The following ATP8A2 variants were observed in gnomAD, a reference collection of about 807,000 sequenced individuals.
The protein encoded by ATP8A2 is ATPase phospholipid transporting 8A2.
ATP8A2 carries 100 observed loss-of-function variants against 165.6 expected under a neutral mutation model. That is an observed-to-expected ratio of 0.60 (90% confidence interval 0.51 to 0.71). ATP8A2 has a LOEUF of 0.71. Among genes scored for constraint, ATP8A2 ranks in the 30% least tolerant of loss-of-function variants. ATP8A2 has a pLI of 0.00. For synonymous variants in ATP8A2, 543 were observed against 548.8 expected (o/e 0.99, Z 0.15); for missense variants, 1,227 against 1,479.5 (o/e 0.83, Z 2.80).
intron 1 of ATP8A2, among the ~76,000 whole-genome samples, chr13:25,434,360 G>GT (rs552283501): frequency 6.0e-4 from 89 of 147,544 alleles, no homozygotes; most frequent in African/African-American, 2.1e-3. Flanking sequence ...CTTTTTTTTT[G>GT]TTTTTTGAGA....
At chr13:25,387,426 A>G (rs987340314) in intron 1 of ATP8A2, among the ~76,000 whole-genome samples, 3 of 151,342 alleles carry the variant, frequency 2.0e-5, no homozygotes, top group East Asian at 3.9e-4. Flanking sequence ...CATTCTAACT[A>G]TTTCGGGTGT....
intron 24 of ATP8A2, among the ~76,000 whole-genome samples, chr13:25,671,592 C>T (rs1041557830): frequency 6.6e-6 from 1 of 152,116 alleles, no homozygotes; most frequent in Non-Finnish European, 1.5e-5. Flanking sequence ...GTCGAGACTG[C>T]AGAGGTGAGA....
chr13:25,729,152 C>G (rs1423835436), intron 25 of ATP8A2, among the ~76,000 whole-genome samples: 2 of 152,034 alleles, frequency 1.3e-5, no homozygotes, highest in African/African-American at 4.8e-5. Flanking sequence ...TACTGAATTG[C>G]CTTTACATGG....
intron 24 of ATP8A2, among the ~76,000 whole-genome samples, chr13:25,610,948 G>T (rs1265101488): frequency 7.2e-6 from 1 of 139,440 alleles, no homozygotes. Context: ...TCTCACCTTA[G>T]TCGCTGTTGG....
chr13:25,450,608 T>C (rs940544017), intron 1 of ATP8A2, among the ~76,000 whole-genome samples: 5 of 152,034 alleles, frequency 3.3e-5, no homozygotes, highest in Non-Finnish European at 7.4e-5. Flanking sequence ...CTCGGCTCAC[T>C]GCAAGCTCCG....
At chr13:25,476,440 C>A (rs2035998761) in intron 2 of ATP8A2, among the ~76,000 whole-genome samples, 1 of 152,094 alleles carries the variant, frequency 6.6e-6, no homozygotes, top group South Asian at 2.1e-4. Context: ...AGGCACCCGC[C>A]ACCACGGCCA....
At chr13:25,554,861 A>G in intron 12 of ATP8A2, 130 bp from the exon 13 acceptor site, 1 of 585,348 alleles carries the variant, frequency 1.7e-6, no homozygotes, top group East Asian at 3.2e-5. Context: ...CGCCCAGCCA[A>G]AATCAGCATT....
chr13:25,850,078 C>A (rs1951967654), intron 30 of ATP8A2, among the ~76,000 whole-genome samples: 2 of 152,218 alleles, frequency 1.3e-5, no homozygotes, highest in South Asian at 4.1e-4. Flanking sequence ...CCTGTCTCAT[C>A]TCAGCCCTCA....
chr13:25,953,311 C>T lies in ATP8A2; in HGVS notation c.3184-8264C>T, dbSNP rs1399912433. Among the ~76,000 whole-genome samples, 1 of 151,776 alleles carries T rather than the reference C, an allele frequency of 6.6e-6. No homozygotes were observed. The highest frequency in any genetic ancestry group is 1.5e-5 in the Non-Finnish European group (1 of 67,972). On this transcript the variant is annotated intron_variant, in intron 33 of 36. Transcript: ENST00000381655. This position sits in a 1 kb window ranked among gnomAD's most constrained non-coding sequence, Gnocchi z 6.7. ...GCAGGTGCTGTGGGGAAGGGGCAGA[C>T]TTAAATTTTCTTCTGTAAAATGGGG...
At chr13:25,560,787 C>A (rs752956014) in intron 15 of ATP8A2, among the ~76,000 whole-genome samples, 4 of 151,600 alleles carry the variant, frequency 2.6e-5, no homozygotes, top group Non-Finnish European at 5.9e-5. Flanking sequence ...AGTTTATCTC[C>A]TACTCTTGCT....
intron 23 of ATP8A2, among the ~76,000 whole-genome samples, chr13:25,587,222 A>G (rs2138277097): frequency 1.3e-5 from 2 of 152,368 alleles, no homozygotes; most frequent in Middle Eastern, 6.8e-3. Flanking sequence ...TTGCTACATT[A>G]GTTAAGCCAC....
chr13:25,954,670 C>T (rs1419817107), intron 33 of ATP8A2, among the ~76,000 whole-genome samples: 2 of 152,222 alleles, frequency 1.3e-5, no homozygotes, highest in Non-Finnish European at 2.9e-5. Context: ...AAGGAACAGG[C>T]AGCAATTCTT....
chr13:25,858,888 G>A (rs1952249685), intron 30 of ATP8A2, among the ~76,000 whole-genome samples: 1 of 152,138 alleles, frequency 6.6e-6, no homozygotes, highest in East Asian at 1.9e-4. Context: ...ACAAGAGAGG[G>A]AGAGAGGAAA....
intron 35 of ATP8A2, among the ~76,000 whole-genome samples, chr13:26,000,793 C>T (rs993750552): frequency 1.3e-5 from 2 of 151,938 alleles, no homozygotes; most frequent in Non-Finnish European, 2.9e-5. Flanking sequence ...ACCAACAGCT[C>T]ATGTGATAGG....
intron 25 of ATP8A2, among the ~76,000 whole-genome samples, chr13:25,740,106 G>A (rs1037696385): frequency 3.3e-5 from 5 of 152,050 alleles, no homozygotes; most frequent in African/African-American, 7.2e-5. Context: ...TCAGGAGATC[G>A]AGACCATCCT....
intron 25 of ATP8A2, among the ~76,000 whole-genome samples, chr13:25,710,572 C>T (rs2043139022): frequency 6.6e-6 from 1 of 152,152 alleles, no homozygotes; most frequent in Non-Finnish European, 1.5e-5. Context: ...CAGGTAACCA[C>T]ACTGCTTGTC....
intron 1 of ATP8A2, among the ~76,000 whole-genome samples, chr13:25,378,904 T>A (rs2137915943): frequency 6.6e-6 from 1 of 152,360 alleles, no homozygotes; most frequent in Middle Eastern, 3.4e-3. Flanking sequence ...TTTAGTGTTT[T>A]TCGCATATTT....
chr13:25,871,054 C>A lies in ATP8A2; in HGVS notation c.3183+8646C>A, dbSNP rs1027383228. On this transcript the variant is annotated intron_variant, in intron 33 of 36. Coordinates refer to ENST00000381655, the MANE Select transcript of ATP8A2 (RefSeq NM_016529.6). ...TTTGGCAGTTTATTTTCTTTTTGGC[C>A]TCTCATTTCAAGGATGCTGTGTGTT... 2.7e-5 allele frequency: 5 copies of A among 186,960 alleles called. No individual in the cohort carries two copies. The Admixed American group carries it at 3.1e-4, about 12-fold the overall frequency. 11.6% of individuals were successfully genotyped at this position (186,960 alleles called of 1,614,324 possible). A position where few individuals can be genotyped will look rare whatever the true frequency, so the allele number is the denominator to read the frequency against.
At chr13:25,578,301 A>G (rs893219633) in intron 20 of ATP8A2, among the ~76,000 whole-genome samples, 1 of 152,190 alleles carries the variant, frequency 6.6e-6, no homozygotes, top group African/African-American at 2.4e-5. Context: ...TGGTCCCCCA[A>G]CCCTTCTTGT....
Sources: allele counts gnomAD v4.1 joint callset (sites outside exome capture counted in the v4.1 genomes callset), GRCh38; gene constraint gnomAD v4.1.1; non-coding constraint Gnocchi (gnomAD v3.1); transcripts MANE v1.5; gene names NCBI Gene and HGNC (gene_info 2026-07-23, HGNC 2026-07-21).